Variants in GPR83 observed in about 807,000 individuals in gnomAD.
GPR83 encodes G protein-coupled receptor 83, also known as G-protein coupled receptor 72.
GPR83 carries 23 observed loss-of-function variants against 28.0 expected under a neutral mutation model. The observed-to-expected ratio is 0.82, with a 90% CI of 0.59 to 1.16. The LOEUF (loss-of-function observed/expected upper bound fraction) is 1.16. Ranked by LOEUF, GPR83 falls within the 50% of genes most tolerant of loss-of-function variation. The pLI, the probability that GPR83 is intolerant of heterozygous loss-of-function variation, is 0.00. For missense variants in GPR83, 610 were observed against 536.6 expected (o/e 1.14, Z -1.35); for synonymous variants, 234 against 215.4 (o/e 1.09, Z -0.76).
intron 3 of GPR83, among the ~76,000 whole-genome samples, chr11:94,389,160 C>A (rs370036136): frequency 6.6e-6 from 1 of 151,840 alleles, no homozygotes; most frequent in Admixed American, 6.6e-5. Context: ...TTACACCTTA[C>A]ACAAAAATTA....
At chr11:94,395,876 C>T (rs16920277) in intron 2 of GPR83, among the ~76,000 whole-genome samples, 10,443 of 152,268 alleles carry the variant, frequency 0.069, 449 homozygotes, top group Admixed American at 0.13. Context: ...TGTGATTTTC[C>T]GGGTTTGCTT....
chr11:94,393,457 C>A (rs779539547), intron 3 of GPR83, 28 bp downstream of exon 3: 1 of 1,611,922 alleles, frequency 6.2e-7, no homozygotes, highest in South Asian at 1.1e-5. Context: ...CACAAGTCCC[C>A]AGGCAGATCC....
rs1270255211 is a variant in GPR83 at position 94,378,624 on chromosome 11, C to G, written c.*1525G>C. On this transcript the variant is annotated 3_prime_UTR_variant, in exon 4 of 4. Transcript: ENST00000243673. The stretch of plus-strand genomic sequence containing the variant: ...TAAGTGAAAGTTACACCTGAACCAC[C>G]AAAATGATGTTGACAGCGAATCTCC... 6.6e-6 allele frequency: 1 copy of G among 152,666 alleles called. No homozygotes were observed. Among genetic ancestry groups the G allele is most frequent in the Admixed American group, 6.5e-5 (1 of 15,286 alleles). 9.5% of individuals were successfully genotyped at this position (152,666 alleles called of 1,614,324 possible).
intron 2 of GPR83, among the ~76,000 whole-genome samples, chr11:94,395,789 C>T (rs59678918): frequency 0.33 from 49,900 of 152,138 alleles, 8,348 homozygotes; most frequent in East Asian, 0.44. Context: ...GCTTGTTTTC[C>T]GTCTGAACAG....
chr11:94,392,345 GACA>G (rs1319851239), intron 3 of GPR83, among the ~76,000 whole-genome samples: 3 of 151,924 alleles, frequency 2.0e-5, no homozygotes, highest in Non-Finnish European at 4.4e-5. Context: ...CAAGCAGAGG[GACA>G]ACATTAGGAG....
chr11:94,380,464 G>A lies in GPR83; in HGVS notation c.957C>T (p.Val319=), dbSNP rs754457137. ...NCYVLLLSSK[V]IRTNNALYFA... The stretch of plus-strand genomic sequence containing the variant: ...AGTAGAGGGCATTGTTGGTGCGGAT[G>A]ACCTTGCTGGACAGGAGGAGGACGT... Residue 319 remains valine, a synonymous_variant, in exon 4 of 4, where the codon GTC becomes GTT. Coordinates refer to ENST00000243673, the MANE Select transcript of GPR83 (RefSeq NM_016540.4). 13 of 1,614,012 alleles carry A rather than the reference G, an allele frequency of 8.1e-6. No individual in the cohort carries two copies. Among genetic ancestry groups the A allele is most frequent in the Non-Finnish European group, 1.1e-5 (13 of 1,179,954 alleles).
intron 3 of GPR83, among the ~76,000 whole-genome samples, chr11:94,382,529 AAAGT>A (rs1397933212): frequency 1.3e-5 from 2 of 152,260 alleles, no homozygotes; most frequent in South Asian, 2.1e-4. Context: ...CCAGATTCAT[AAAGT>A]AAGTTCTCAG....
At chr11:94,389,856 A>T (rs1944797890) in intron 3 of GPR83, among the ~76,000 whole-genome samples, 2 of 152,210 alleles carry the variant, frequency 1.3e-5, no homozygotes, top group African/African-American at 4.8e-5. Flanking sequence ...TGCTGCTATA[A>T]AGACACATGC....
chr11:94,392,700 C>T (rs1484096855), intron 3 of GPR83, among the ~76,000 whole-genome samples: 1 of 152,058 alleles, frequency 6.6e-6, no homozygotes, highest in African/African-American at 2.4e-5. Flanking sequence ...ATGGTGCGTG[C>T]CTGTAATCCC....
At chr11:94,385,241 A>G (rs1944740257) in intron 3 of GPR83, among the ~76,000 whole-genome samples, 1 of 152,180 alleles carries the variant, frequency 6.6e-6, no homozygotes, top group African/African-American at 2.4e-5. Context: ...AACCACAAAG[A>G]TGGGGAAAAA....
rs1273081942 is a variant in GPR83, at chr11:94,378,850, C to G, written c.*1299G>C. 1 of 152,304 alleles carries G rather than the reference C, an allele frequency of 6.6e-6. No homozygotes were observed. Among genetic ancestry groups the G allele is most frequent in the Non-Finnish European group, 1.5e-5 (1 of 68,048 alleles). 9.4% of individuals were successfully genotyped at this position (152,304 alleles called of 1,614,324 possible). A position where few individuals can be genotyped will look rare whatever the true frequency, so the allele number is the denominator to read the frequency against. ...CAATTGCAGGAGAGAAGGAATCATG[C>G]CTCCTGGTTGAGTTTGATTCCCTGG... On this transcript the variant is annotated 3_prime_UTR_variant, in exon 4 of 4. Transcript: ENST00000243673.
chr11:94,387,950 G>A (rs1254503420), intron 3 of GPR83, among the ~76,000 whole-genome samples: 1 of 152,148 alleles, frequency 6.6e-6, no homozygotes, highest in African/African-American at 2.4e-5. Flanking sequence ...ACCGAATCCA[G>A]CAACACATCA....
intron 3 of GPR83, among the ~76,000 whole-genome samples, chr11:94,384,385 C>G (rs575996219): frequency 2.0e-5 from 3 of 152,128 alleles, no homozygotes; most frequent in African/African-American, 7.2e-5. Context: ...CGAATAGGAA[C>G]AGCTCCAGTC....
At chr11:94,389,338 C>T (rs1591604870) in intron 3 of GPR83, among the ~76,000 whole-genome samples, 1 of 152,144 alleles carries the variant, frequency 6.6e-6, no homozygotes, top group Non-Finnish European at 1.5e-5. Context: ...TCTAATTAAA[C>T]TAAAGAGCTT....
chr11:94,383,043 C>T (rs932923373), intron 3 of GPR83, among the ~76,000 whole-genome samples: 14 of 151,856 alleles, frequency 9.2e-5, no homozygotes, highest in Non-Finnish European at 1.9e-4. Context: ...TAGCGGGCAC[C>T]TGTAGTCCCA....
intron 2 of GPR83, among the ~76,000 whole-genome samples, chr11:94,396,107 C>CT (rs1414482169): frequency 6.6e-6 from 1 of 152,166 alleles, no homozygotes; most frequent in Non-Finnish European, 1.5e-5. Context: ...GTAATCCCAG[C>CT]TACTCAGGAG....
Position 94,401,285 on chromosome 11 carries a change from CG to C in GPR83, c.-39del. ...ACCCCTCCCCTGGGAGCCTGCGGGCCGGGCGTCCCCTCCCGCTGGGATCGGA... is the reference window on the plus strand; with the variant it reads ...ACCCCTCCCCTGGGAGCCTGCGGGCCGGCGTCCCCTCCCGCTGGGATCGGA... On this transcript the variant is annotated 5_prime_UTR_variant, in exon 1 of 4. Coordinates refer to ENST00000243673, the MANE Select transcript of GPR83 (RefSeq NM_016540.4). 3 of 1,539,064 alleles carry C rather than the reference CG, an allele frequency of 1.9e-6. No individual in the cohort carries two copies. The highest frequency in any genetic ancestry group is 2.6e-6 in the Non-Finnish European group (3 of 1,149,606).
intron 3 of GPR83, among the ~76,000 whole-genome samples, chr11:94,388,265 G>A (rs535620359): frequency 1.3e-5 from 2 of 152,278 alleles, no homozygotes; most frequent in South Asian, 4.1e-4. Flanking sequence ...ACTGGCACAA[G>A]ACAGGCATGC....
chr11:94,391,835 G>C (rs572236704), intron 3 of GPR83, among the ~76,000 whole-genome samples: 155 of 152,326 alleles, frequency 1.0e-3, no homozygotes, highest in African/African-American at 3.6e-3. Context: ...TGATGCTGGA[G>C]AGGATGTGGA....
Sources: allele counts gnomAD v4.1 joint callset (sites outside exome capture counted in the v4.1 genomes callset), GRCh38; gene constraint gnomAD v4.1.1; transcripts MANE v1.5; gene names NCBI Gene and HGNC (gene_info 2026-07-23, HGNC 2026-07-21).